EBF1: variants seen among roughly 807,000 people sequenced by gnomAD.
EBF1 encodes transcription factor COE1.
Under a neutral mutation model 68.4 loss-of-function variants are expected in EBF1, and 10 were observed. The ratio of observed to expected loss-of-function variants is 0.15; its 90% CI spans 0.09 to 0.25. EBF1 has a LOEUF of 0.25. Ranked by LOEUF, EBF1 falls within the 10% of genes least tolerant of loss-of-function variation. The pLI is 1.00. For synonymous variants in EBF1, 298 were observed against 299.8 expected (o/e 0.99, Z 0.06); for missense variants, 509 against 794.4 (o/e 0.64, Z 4.32).
chr5:158,741,624 A>G (rs1182580323), intron 10 of EBF1, among the ~76,000 whole-genome samples: 1 of 151,900 alleles, frequency 6.6e-6, no homozygotes, highest in African/African-American at 2.4e-5. Flanking sequence ...GTTTTGAACT[A>G]CCTTAAACTG....
intron 5 of EBF1, among the ~76,000 whole-genome samples, chr5:159,080,584 C>T (rs1779587421): frequency 6.6e-6 from 1 of 152,238 alleles, no homozygotes. Flanking sequence ...AACAACTGCG[C>T]ACCAAGTACT....
chr5:158,996,705 CT>C (rs1761485019), intron 6 of EBF1, among the ~76,000 whole-genome samples: 1 of 152,166 alleles, frequency 6.6e-6, no homozygotes, highest in South Asian at 2.1e-4. Flanking sequence ...CCATTTATTA[CT>C]GAGTTTCTAG....
intron 6 of EBF1, among the ~76,000 whole-genome samples, chr5:158,867,270 G>A (rs1032904077): frequency 6.6e-6 from 1 of 152,148 alleles, no homozygotes; most frequent in Admixed American, 6.5e-5. Context: ...ATTGGTGGTT[G>A]TTGGGTGTTG....
Position 158,841,948 on chromosome 5 carries a change from C to T in EBF1, c.555-1838G>A, listed in dbSNP as rs192531939. Among the ~76,000 whole-genome samples the T allele has an allele frequency of 2.6e-5, 4 of 152,326 alleles. No homozygotes were observed. In the East Asian group the frequency reaches 7.7e-4, roughly 29 times the overall value. ...AAGCAGGCCTCTAAATAATCACTTG[C>T]CGCTACTTCCAGATTCTCTCCACAG... On this transcript the variant is annotated intron_variant, in intron 6 of 15. Transcript: ENST00000313708.
intron 8 of EBF1, among the ~76,000 whole-genome samples, chr5:158,813,874 C>G (rs1783174797): frequency 6.6e-6 from 1 of 152,194 alleles, no homozygotes; most frequent in Admixed American, 6.5e-5. Context: ...TTATGAACAG[C>G]ACATCAAAGC....
At chr5:158,855,517 C>A (rs1284834206) in intron 6 of EBF1, among the ~76,000 whole-genome samples, 6 of 152,162 alleles carry the variant, frequency 3.9e-5, no homozygotes, top group South Asian at 4.1e-4. Flanking sequence ...TCTTCCCCAC[C>A]CTGGGTCCTG....
At chr5:158,956,028 ATGTGTGTGTGTGTGTGTGTGTGTG>A (rs56311243) in intron 6 of EBF1, among the ~76,000 whole-genome samples, 2 of 141,040 alleles carry the variant, frequency 1.4e-5, no homozygotes, top group Non-Finnish European at 3.1e-5. Context: ...ATAAATATAA[ATGTGTGTGTGTGTGTGTGTGTGTG>A]TGTGTGTGTG....
intron 6 of EBF1, among the ~76,000 whole-genome samples, chr5:159,026,576 G>A (rs1450918185): frequency 1.3e-5 from 2 of 151,986 alleles, no homozygotes; most frequent in East Asian, 1.9e-4. Flanking sequence ...CCATCCCAAC[G>A]AAGTCCAGGC....
chr5:158,918,520 TAAGAGATA>T, intron 6 of EBF1, among the ~76,000 whole-genome samples: 1 of 140,242 alleles, frequency 7.1e-6, no homozygotes, highest in South Asian at 2.2e-4. Flanking sequence ...AGAGAATTAG[TAAGAGATA>T]AAGAGATTGA....
chr5:158,807,032 T>C (rs1239858658), intron 8 of EBF1, among the ~76,000 whole-genome samples: 1 of 152,160 alleles, frequency 6.6e-6, no homozygotes, highest in Non-Finnish European at 1.5e-5. Flanking sequence ...TCAATAGTTA[T>C]AGTGGCTAGT....
At chr5:158,792,316 G>C (rs1055536911) in intron 9 of EBF1, among the ~76,000 whole-genome samples, 3 of 152,184 alleles carry the variant, frequency 2.0e-5, no homozygotes, top group African/African-American at 7.2e-5. Context: ...ATGTGAACTT[G>C]GGAGCTCGCA....
chr5:158,738,631 T>C (rs1393221707), intron 10 of EBF1, among the ~76,000 whole-genome samples: 1 of 152,230 alleles, frequency 6.6e-6, no homozygotes, highest in Non-Finnish European at 1.5e-5. Context: ...TCCTACAATA[T>C]GCCCTTGACG....
intron 6 of EBF1, among the ~76,000 whole-genome samples, chr5:158,840,452 A>G (rs145843951): frequency 1.3e-5 from 2 of 152,274 alleles, no homozygotes; most frequent in Non-Finnish European, 2.9e-5. Context: ...ATGGTCCCCA[A>G]CGACAACATG....
chr5:159,096,508 C>T, intron 2 of EBF1, 102 bp from the exon 3 acceptor site: 1 of 1,356,890 alleles, frequency 7.4e-7, no homozygotes. Flanking sequence ...CCGGGACCCC[C>T]GCTGGCGAGC....
chr5:158,760,932 T>C (rs772342155), intron 10 of EBF1, among the ~76,000 whole-genome samples: 3 of 152,098 alleles, frequency 2.0e-5, no homozygotes, highest in Non-Finnish European at 4.4e-5. Context: ...ACTGACATGT[T>C]TTTTGTTTTT....
intron 6 of EBF1, among the ~76,000 whole-genome samples, chr5:158,912,179 A>C (rs77780934): frequency 2.6e-3 from 389 of 152,330 alleles, no homozygotes; most frequent in African/African-American, 8.8e-3. Context: ...GCCCTTCCTC[A>C]TGGATCCTCC....
At chr5:158,787,639 G>C (rs1028165851) in intron 9 of EBF1, among the ~76,000 whole-genome samples, 1 of 152,252 alleles carries the variant, frequency 6.6e-6, no homozygotes, top group South Asian at 2.1e-4. Flanking sequence ...TCAATAATCA[G>C]CTGTGGGACC....
At chr5:158,782,368 A>G (rs1776600936) in intron 9 of EBF1, among the ~76,000 whole-genome samples, 1 of 152,194 alleles carries the variant, frequency 6.6e-6, no homozygotes, top group Non-Finnish European at 1.5e-5. Context: ...CCTCTAAAGT[A>G]GTTAACTTGG....
At chr5:158,974,840 C>T (rs563673925) in intron 6 of EBF1, among the ~76,000 whole-genome samples, 2 of 152,306 alleles carry the variant, frequency 1.3e-5, no homozygotes, top group Admixed American at 6.5e-5. Context: ...AAAAACGTTG[C>T]TGGGGACATG....
Sources: gnomAD v4.1 joint callset for allele counts (sites outside exome capture counted in the v4.1 genomes callset) on GRCh38, gnomAD v4.1.1 for gene constraint, MANE v1.5 for transcripts, NCBI Gene and HGNC (gene_info 2026-07-23, HGNC 2026-07-21) for gene names.